The following NSD2 variants were observed in gnomAD, a reference collection of about 807,000 sequenced individuals.
NSD2 encodes nuclear receptor binding SET domain protein 2.
Under a neutral mutation model 139.0 loss-of-function variants are expected in NSD2, and 12 were observed. The ratio of observed to expected loss-of-function variants is 0.09; its 90% confidence interval spans 0.06 to 0.14. The LOEUF is 0.14. Among genes scored for constraint, NSD2 ranks in the 10% least tolerant of loss-of-function variants. NSD2 has a pLI of 1.00. For synonymous variants in NSD2, 669 were observed against 648.7 expected (o/e 1.03, Z -0.48); for missense variants, 1,155 against 1,745.0 (o/e 0.66, Z 6.02).
At chr4:1,913,164 A>C (rs1218274817) in intron 3 of NSD2, among the ~76,000 whole-genome samples, 1 of 152,260 alleles carries the variant, frequency 6.6e-6, no homozygotes, top group Non-Finnish European at 1.5e-5. Flanking sequence ...AGTGACCAGA[A>C]GACGAGTGTG....
intron 6 of NSD2, among the ~76,000 whole-genome samples, chr4:1,932,380 A>C (rs1291006032): frequency 6.8e-6 from 1 of 148,136 alleles, no homozygotes; most frequent in Non-Finnish European, 1.5e-5. Flanking sequence ...CAGAGGTTGC[A>C]GTGAGGCAAG....
At chr4:1,925,363 C>G (rs1577455728) in intron 5 of NSD2, among the ~76,000 whole-genome samples, 1 of 120,460 alleles carries the variant, frequency 8.3e-6, no homozygotes, top group Admixed American at 8.4e-5. Context: ...CTTGCTGACT[C>G]TTTAGAGGTC....
intron 5 of NSD2, among the ~76,000 whole-genome samples, chr4:1,921,725 C>T (rs533802169): frequency 1.0e-4 from 14 of 137,884 alleles, no homozygotes; most frequent in African/African-American, 1.4e-4. Flanking sequence ...GAGGTTGCAG[C>T]GAGCCAAAAT....
At chr4:1,877,923 T>G (rs1487872957) in intron 1 of NSD2, among the ~76,000 whole-genome samples, 1 of 152,022 alleles carries the variant, frequency 6.6e-6, no homozygotes, top group Non-Finnish European at 1.5e-5. Flanking sequence ...TGGTGCTTTA[T>G]GAAGCCAAGA....
At chr4:1,909,784 G>T (rs1019879916) in intron 3 of NSD2, among the ~76,000 whole-genome samples, 62 of 151,872 alleles carry the variant, frequency 4.1e-4, no homozygotes, top group African/African-American at 1.5e-3. Flanking sequence ...GGGATTACAG[G>T]TGCACACCAC....
At chr4:1,925,491 C>T (rs1053615176) in intron 5 of NSD2, among the ~76,000 whole-genome samples, 10 of 148,032 alleles carry the variant, frequency 6.8e-5, no homozygotes, top group East Asian at 2.0e-4. Context: ...CTCCTCCCCC[C>T]GGGTTCAAGC....
At chr4:1,943,234 C>G in intron 9 of NSD2, 1 of 1,041,388 alleles carries the variant, frequency 9.6e-7, no homozygotes, top group South Asian at 4.6e-5. Context: ...GTGCTATTCA[C>G]AGTACCATGC....
chr4:1,938,391 TTTTTC>T (rs1722663590), intron 7 of NSD2, 55 bp from the exon 8 acceptor site: 18 of 1,292,002 alleles, frequency 1.4e-5, no homozygotes, highest in South Asian at 3.5e-5. Context: ...TTTTTTCCTT[TTTTTC>T]TTTTCTTTTT....
At chr4:1,965,073 A>AAG (rs1553878217) in intron 18 of NSD2, among the ~76,000 whole-genome samples, 2 of 149,944 alleles carry the variant, frequency 1.3e-5, no homozygotes, top group Non-Finnish European at 3.0e-5. Flanking sequence ...AAAAAAAAAA[A>AAG]AAGCCTACAA....
At chr4:1,935,383 A>T in intron 7 of NSD2, 121 bp downstream of exon 7, 2 of 711,210 alleles carry the variant, frequency 2.8e-6, no homozygotes, top group South Asian at 4.1e-5. Context: ...AGCTCCTTCC[A>T]GGCTGGTATT....
intron 1 of NSD2, among the ~76,000 whole-genome samples, chr4:1,892,417 C>G (rs1715650405): frequency 6.6e-6 from 1 of 152,182 alleles, no homozygotes; most frequent in Non-Finnish European, 1.5e-5. Flanking sequence ...TTCAGCCTCC[C>G]TAGCCCCTTA....
chr4:1,915,093 A>T, intron 3 of NSD2, among the ~76,000 whole-genome samples: 1 of 146,984 alleles, frequency 6.8e-6, no homozygotes, highest in Admixed American at 6.8e-5. Flanking sequence ...TTTCTTGTTG[A>T]ATTTTTTCTT....
Position 1,979,895 on chromosome 4 carries a change from G to A in NSD2, c.*986G>A, listed in dbSNP as rs886059324. ...AGACCGCAGTCTGCTTAGAGCACAG[G>A]AAGTGACAACTTAGGGAGCCCCGTA... On this transcript the variant is annotated 3_prime_UTR_variant, in exon 22 of 22. Transcript: ENST00000508803. The A allele has an allele frequency of 2.6e-5, 6 of 232,692 alleles. No homozygotes were observed. The highest frequency in any genetic ancestry group is 4.2e-5 in the Non-Finnish European group (5 of 117,736). The allele number at this position is 232,692 out of a possible 1,614,324, so 14.4% of individuals were successfully genotyped here. A position where few individuals can be genotyped will look rare whatever the true frequency, so the allele number is the denominator to read the frequency against.
intron 9 of NSD2, among the ~76,000 whole-genome samples, chr4:1,950,613 C>T (rs542642408): frequency 6.6e-6 from 1 of 152,336 alleles, no homozygotes; most frequent in East Asian, 1.9e-4. Flanking sequence ...GCACGGTCAC[C>T]TGATGAGGCT....
rs768310333 is a variant in NSD2 at position 1,976,695 on chromosome 4, C to T, written c.3826+16C>T. ...CGGCCCTTCGGTGGGTGTGCAGCCT[C>T]GCGGTGGCTTGCAGCTGTGTCTGTG... On this transcript the variant is annotated intron_variant, in intron 21 of 21. Transcript: ENST00000508803. The surrounding 1 kb of genome is among the most constrained non-coding windows in gnomAD (Gnocchi z 5.3). 86 of 1,553,698 alleles carry T rather than the reference C, an allele frequency of 5.5e-5. No homozygotes were observed. The highest frequency in any genetic ancestry group is 6.6e-5 in the Non-Finnish European group (76 of 1,148,824).
chr4:1,884,911 C>A (rs1714965090), intron 1 of NSD2, among the ~76,000 whole-genome samples: 1 of 151,584 alleles, frequency 6.6e-6, no homozygotes, highest in East Asian at 2.0e-4. Context: ...GAGTTTGAGA[C>A]CAGCCTGACC....
chr4:1,872,589 TGTGAGAGAGAGA>T (rs1425649016), intron 1 of NSD2, among the ~76,000 whole-genome samples: 12 of 44,418 alleles, frequency 2.7e-4, no homozygotes, highest in African/African-American at 6.1e-4. Context: ...TGTGTGTGTG[TGTGAGAGAGAGA>T]GAGAGAGAGA....
intron 1 of NSD2, among the ~76,000 whole-genome samples, chr4:1,882,665 A>G (rs1228620491): frequency 6.6e-6 from 1 of 152,084 alleles, no homozygotes; most frequent in Admixed American, 6.5e-5. Flanking sequence ...CCTCTGTCTC[A>G]AAAACAACAA....
chr4:1,978,310 C>T (rs1008828806), intron 21 of NSD2, among the ~76,000 whole-genome samples: 1 of 152,140 alleles, frequency 6.6e-6, no homozygotes, highest in Non-Finnish European at 1.5e-5. Flanking sequence ...GAGGGCAGGT[C>T]ACATGGAAAT....
Sources: allele counts gnomAD v4.1 joint callset (sites outside exome capture counted in the v4.1 genomes callset), GRCh38; gene constraint gnomAD v4.1.1; non-coding constraint Gnocchi (gnomAD v3.1); transcripts MANE v1.5; gene names NCBI Gene and HGNC (gene_info 2026-07-23, HGNC 2026-07-21).